LZTFL1: variants seen among roughly 807,000 people sequenced by gnomAD.
LZTFL1 encodes the protein leucine zipper transcription factor-like protein 1.
LZTFL1 carries 25 observed loss-of-function variants against 45.9 expected under a neutral mutation model. The ratio of observed to expected loss-of-function variants is 0.54; its 90% CI spans 0.40 to 0.76. The LOEUF (loss-of-function observed/expected upper bound fraction) is 0.76. Among genes scored for constraint, LZTFL1 ranks in the 30% least tolerant of loss-of-function variants. LZTFL1 has a pLI of 0.00. For synonymous variants in LZTFL1, 93 were observed against 117.4 expected, an observed-to-expected ratio of 0.79 and a Z score of 1.35; for missense variants, 277 against 331.1, an observed-to-expected ratio of 0.84 and a Z score of 1.27.
intron 2 of LZTFL1, among the ~76,000 whole-genome samples, chr3:45,879,281 AT>A (rs1399165715): frequency 2.6e-5 from 4 of 152,248 alleles, no homozygotes; most frequent in African/African-American, 9.6e-5. Context: ...AGGTGAATGG[AT>A]AAATAAACTG....
chr3:45,851,678 G>A (rs1701312167), intron 4 of LZTFL1, among the ~76,000 whole-genome samples: 1 of 151,782 alleles, frequency 6.6e-6, no homozygotes, highest in Admixed American at 6.6e-5. Context: ...TATACTGATG[G>A]ATTCCAACCT....
intron 2 of LZTFL1, among the ~76,000 whole-genome samples, chr3:45,892,396 T>C (rs533034887): frequency 2.6e-5 from 4 of 152,058 alleles, no homozygotes; most frequent in South Asian, 2.1e-4. Flanking sequence ...AAGAACAAGA[T>C]CCTGTCCTTT....
intron 9 of LZTFL1, 132 bp from the exon 10 acceptor site, chr3:45,826,464 A>C: frequency 1.3e-6 from 1 of 762,346 alleles, no homozygotes; most frequent in South Asian, 1.6e-5. Context: ...GGACACATTC[A>C]ACTTTGTTTT....
chr3:45,848,515 T>C (rs1232303219), intron 4 of LZTFL1, among the ~76,000 whole-genome samples: 1 of 152,234 alleles, frequency 6.6e-6, no homozygotes, highest in Non-Finnish European at 1.5e-5. Context: ...TGACACATAA[T>C]TTACTGGAGA....
intron 2 of LZTFL1, among the ~76,000 whole-genome samples, chr3:45,873,647 C>T (rs975622499): frequency 6.6e-6 from 1 of 152,144 alleles, no homozygotes; most frequent in Non-Finnish European, 1.5e-5. Flanking sequence ...TTTCCCCTCT[C>T]CCCTCGATAA....
intron 2 of LZTFL1, among the ~76,000 whole-genome samples, chr3:45,906,997 A>G (rs1342560852): frequency 6.6e-6 from 1 of 152,060 alleles, no homozygotes; most frequent in East Asian, 1.9e-4. Flanking sequence ...GGCATTACTC[A>G]CTGCTGTCCC....
At chr3:45,844,626 TACC>T (rs1701189339), upstream of LZTFL1, among the ~76,000 whole-genome samples, 1 of 152,202 alleles carries the variant, frequency 6.6e-6, no homozygotes, top group South Asian at 2.1e-4. Flanking sequence ...CATGAAGTTC[TACC>T]ATACAAGTTC....
intron 2 of LZTFL1, among the ~76,000 whole-genome samples, chr3:45,870,601 T>G (rs1701656879): frequency 6.6e-6 from 1 of 152,250 alleles, no homozygotes; most frequent in South Asian, 2.1e-4. Flanking sequence ...TAATTGTATA[T>G]TTGTACAAAT....
Position 45,825,865 on chromosome 3 carries a change from CAT to C in LZTFL1, c.*447_*448del, listed in dbSNP as rs1700649257. 4 of 154,440 alleles carry C rather than the reference CAT, an allele frequency of 2.6e-5. No individual in the cohort carries two copies. The highest frequency in any genetic ancestry group is 9.6e-5 in the African/African-American group (4 of 41,478). 9.6% of individuals were successfully genotyped at this position (154,440 alleles called of 1,614,324 possible). On this transcript the variant is annotated 3_prime_UTR_variant, in exon 10 of 10. Transcript: ENST00000296135. Reference sequence around the variant, plus strand: ...GATTTCATTTTTAAAAATAAAGAGACATATTTATTTGTAATAACTCTCTTTTT... The same window carrying C: ...GATTTCATTTTTAAAAATAAAGAGACATTTATTTGTAATAACTCTCTTTTT...
chr3:45,890,245 C>A (rs1337730963), intron 2 of LZTFL1, among the ~76,000 whole-genome samples: 1 of 9,270 alleles, frequency 1.1e-4, no homozygotes, highest in Non-Finnish European at 2.8e-4. Context: ...TGACATAAGC[C>A]CTGGGTATTA....
At chr3:45,895,142 A>G in intron 2 of LZTFL1, 1 of 639,632 alleles carries the variant, frequency 1.6e-6, no homozygotes, top group Admixed American at 2.6e-5. Context: ...AAATGCAAAG[A>G]GGCAGCTATG....
At chr3:45,873,221 C>T (rs886919381) in intron 2 of LZTFL1, among the ~76,000 whole-genome samples, 2 of 152,176 alleles carry the variant, frequency 1.3e-5, no homozygotes, top group Non-Finnish European at 2.9e-5. Flanking sequence ...AGAGTTGATT[C>T]AGTGGGCCTA....
intron 2 of LZTFL1, among the ~76,000 whole-genome samples, chr3:45,911,652 G>C (rs1407086163): frequency 1.3e-5 from 2 of 152,240 alleles, no homozygotes; most frequent in Non-Finnish European, 2.9e-5. Flanking sequence ...GGGGGCCCTA[G>C]CTGGGCCAGC....
chr3:45,827,064 C>A, intron 9 of LZTFL1: 1 of 347,196 alleles, frequency 2.9e-6, no homozygotes, highest in Non-Finnish European at 5.2e-6. Flanking sequence ...TGCTGCCCTG[C>A]GAGCTTGCTG....
intron 3 of LZTFL1, among the ~76,000 whole-genome samples, chr3:45,856,354 C>A (rs1215220570): frequency 1.3e-5 from 2 of 152,116 alleles, no homozygotes; most frequent in African/African-American, 4.8e-5. Flanking sequence ...GAAACTGAAT[C>A]CCTTCCTTAC....
At chr3:45,897,509 G>C (rs1176259502) in intron 2 of LZTFL1, 4 of 1,224,972 alleles carry the variant, frequency 3.3e-6, no homozygotes, top group Non-Finnish European at 3.5e-6. Context: ...AGAAAGCTGG[G>C]TCACCCAGGT....
At chr3:45,842,183 A>ACG, upstream of LZTFL1, 1 of 1,459,334 alleles carries the variant, frequency 6.9e-7, no homozygotes, top group East Asian at 2.5e-5. Context: ...CCTCAGGATC[A>ACG]CGCGACAGGA....
At chr3:45,842,260 G>A (rs1247076906), upstream of LZTFL1, 4 of 1,132,972 alleles carry the variant, frequency 3.5e-6, no homozygotes, top group Non-Finnish European at 3.6e-6. Context: ...CCACCTTTTT[G>A]TGCCAGTTCA....
chr3:45,901,493 C>T lies in LZTFL1; in HGVS notation c.-215+11627G>A, dbSNP rs749957221. 1 of 1,614,144 alleles carries T rather than the reference C, an allele frequency of 6.2e-7. No homozygotes were observed. The highest frequency in any genetic ancestry group is 2.2e-5 in the East Asian group (1 of 44,882). ...TCGTGGTCATGGCTTGCTGCTATACCATCATCATTCACACCCTGATACAAG... is the reference window on the plus strand; with the variant it reads ...TCGTGGTCATGGCTTGCTGCTATACTATCATCATTCACACCCTGATACAAG... On this transcript the variant is annotated intron_variant, in intron 2 of 4. Transcript: ENST00000472635. The surrounding 1 kb of genome is among the most constrained non-coding windows in gnomAD (Gnocchi z 4.3).
Sources: allele counts gnomAD v4.1 joint callset (sites outside exome capture counted in the v4.1 genomes callset), GRCh38; gene constraint gnomAD v4.1.1; non-coding constraint Gnocchi (gnomAD v3.1); transcripts MANE v1.5; gene names NCBI Gene and HGNC (gene_info 2026-07-23, HGNC 2026-07-21).